The following CFAP61 variants were observed in gnomAD, a reference collection of about 807,000 sequenced individuals.
CFAP61 encodes cilia and flagella associated protein 61.
A neutral mutation model predicts 135.6 loss-of-function variants in CFAP61; 107 were observed. The observed-to-expected ratio is 0.79, with a 90% confidence interval of 0.67 to 0.93. The LOEUF is 0.93. Among genes scored for constraint, CFAP61 ranks in the 40% least tolerant of loss-of-function variants. CFAP61 has a pLI of 0.00. For synonymous variants in CFAP61, 575 were observed against 578.5 expected, an observed-to-expected ratio of 0.99 and a Z score of 0.09; for missense variants, 1,507 against 1,556.2, an observed-to-expected ratio of 0.97 and a Z score of 0.53.
intron 8 of CFAP61, among the ~76,000 whole-genome samples, chr20:20,104,312 A>T (rs1374473110): frequency 6.6e-6 from 1 of 151,096 alleles, no homozygotes; most frequent in African/African-American, 2.4e-5. Context: ...TTTCAATTTT[A>T]TGTCTTGTTT....
At chr20:20,347,932 C>CAAAAAAAAAA (rs139136148) in intron 26 of CFAP61, among the ~76,000 whole-genome samples, 1 of 75,222 alleles carries the variant, frequency 1.3e-5, no homozygotes, top group Non-Finnish European at 2.6e-5. Context: ...GACGCCATCT[C>CAAAAAAAAAA]AAAAAAAAAA....
At chr20:20,297,726 G>A (rs957738771) in intron 24 of CFAP61, among the ~76,000 whole-genome samples, 1 of 152,204 alleles carries the variant, frequency 6.6e-6, no homozygotes, top group African/African-American at 2.4e-5. Flanking sequence ...ATCAGGCCTG[G>A]CCTTTTACTT....
chr20:20,130,789 T>C (rs1206727692), intron 8 of CFAP61, among the ~76,000 whole-genome samples: 1 of 151,876 alleles, frequency 6.6e-6, no homozygotes, highest in Non-Finnish European at 1.5e-5. Context: ...AGTGTGGTGC[T>C]GCTGAACTGC....
intron 1 of CFAP61, chr20:20,052,890 G>A (rs1185820589): frequency 1.2e-5 from 8 of 643,274 alleles, no homozygotes; most frequent in African/African-American, 1.9e-5. Context: ...ACGCCCCCTC[G>A]TTTCTGGTTT....
intron 26 of CFAP61, among the ~76,000 whole-genome samples, chr20:20,349,155 C>A (rs1179251932): frequency 6.6e-6 from 1 of 152,208 alleles, no homozygotes; most frequent in Non-Finnish European, 1.5e-5. Flanking sequence ...AACCAACACA[C>A]AATAATCCAT....
At chr20:20,144,917 T>G (rs2146757803) in intron 9 of CFAP61, among the ~76,000 whole-genome samples, 1 of 152,280 alleles carries the variant, frequency 6.6e-6, no homozygotes, top group South Asian at 2.1e-4. Flanking sequence ...CCCTAGAATT[T>G]TATACCCAGT....
At chr20:20,340,413 G>GCA (rs2058395631) in intron 25 of CFAP61, among the ~76,000 whole-genome samples, 1 of 152,100 alleles carries the variant, frequency 6.6e-6, no homozygotes, top group Admixed American at 6.5e-5. Context: ...GGGCAGTGAC[G>GCA]CTCTTCTGCA....
chr20:20,111,735 T>G (rs1338309243), intron 8 of CFAP61, among the ~76,000 whole-genome samples: 4 of 152,130 alleles, frequency 2.6e-5, no homozygotes, highest in African/African-American at 9.7e-5. Flanking sequence ...AAAAGCATAA[T>G]GTACGAAATT....
At chr20:20,100,069 T>C (rs1400032794) in intron 8 of CFAP61, among the ~76,000 whole-genome samples, 1 of 152,076 alleles carries the variant, frequency 6.6e-6, no homozygotes, top group Non-Finnish European at 1.5e-5. Flanking sequence ...AACTCTACCA[T>C]AGGAGAGTTC....
At chr20:20,321,231 A>G (rs2082326097) in intron 25 of CFAP61, among the ~76,000 whole-genome samples, 1 of 152,286 alleles carries the variant, frequency 6.6e-6, no homozygotes, top group Admixed American at 6.5e-5. Flanking sequence ...AGGTGTCAAT[A>G]GTTATGCCTA....
chr20:20,339,958 C>T (rs1322653239), intron 25 of CFAP61, among the ~76,000 whole-genome samples: 1 of 152,216 alleles, frequency 6.6e-6, no homozygotes, highest in East Asian at 1.9e-4. Context: ...TTTTAGGAAG[C>T]CCACAAGATC....
At chr20:20,113,365 G>GTTA (rs1357635070) in intron 8 of CFAP61, among the ~76,000 whole-genome samples, 1 of 152,136 alleles carries the variant, frequency 6.6e-6, no homozygotes, top group Non-Finnish European at 1.5e-5. Flanking sequence ...TGACAATGAG[G>GTTA]TTATACTTGT....
At chr20:20,253,660 C>G (rs1168665013) in intron 20 of CFAP61, 1 of 443,684 alleles carries the variant, frequency 2.3e-6, no homozygotes, top group African/African-American at 2.0e-5. Flanking sequence ...CCAACTCCAC[C>G]TTTGTAACGT....
chr20:20,171,246 T>C (rs2054198998), intron 13 of CFAP61, among the ~76,000 whole-genome samples: 1 of 152,214 alleles, frequency 6.6e-6, no homozygotes, highest in African/African-American at 2.4e-5. Context: ...CACAACTGCC[T>C]TGAGCCAGTT....
In CFAP61 at chr20:20,159,440, C is replaced by T. The variant is rs201733475; in HGVS notation, c.1022C>T (p.Pro341Leu). Residue 341 changes from proline (P) to leucine (L), a missense_variant, in exon 10 of 27, where the codon CCG becomes CTG. Transcript: ENST00000245957. ...TAVQSGNVSE[P>L]EDIEKLSDIS... Reference sequence around the variant, plus strand: ...GTCCAAAGTGGAAATGTTAGTGAACCGGAGGTAGGGTTTGACGAGGGCCTT... The same window carrying T: ...GTCCAAAGTGGAAATGTTAGTGAACTGGAGGTAGGGTTTGACGAGGGCCTT... 5.1e-4 allele frequency: 831 copies of T among 1,613,610 alleles called. 17 individuals carry two copies. In the South Asian group the frequency reaches 8.5e-3, roughly 16 times the overall value.
At chr20:20,274,865 A>G (rs1323974327) in intron 21 of CFAP61, among the ~76,000 whole-genome samples, 1 of 152,220 alleles carries the variant, frequency 6.6e-6, no homozygotes, top group Non-Finnish European at 1.5e-5. Flanking sequence ...TGAAAGAACT[A>G]TAACTAGTCT....
At chr20:20,080,245 C>CTA (rs982320882) in intron 6 of CFAP61, among the ~76,000 whole-genome samples, 2 of 151,962 alleles carry the variant, frequency 1.3e-5, no homozygotes, top group South Asian at 2.1e-4. Context: ...ACATATATAC[C>CTA]TATATATATC....
chr20:20,349,184 T>C (rs1343158711), intron 26 of CFAP61, among the ~76,000 whole-genome samples: 1 of 152,214 alleles, frequency 6.6e-6, no homozygotes, highest in Non-Finnish European at 1.5e-5. Context: ...TTATCAGTTG[T>C]ATTAATCTGT....
intron 19 of CFAP61, among the ~76,000 whole-genome samples, chr20:20,247,075 G>C (rs905056547): frequency 6.6e-6 from 1 of 152,196 alleles, no homozygotes; most frequent in Admixed American, 6.5e-5. Context: ...CTGCCACGAA[G>C]GGCCTGGGCA....
Sources: gnomAD v4.1 joint callset for allele counts (sites outside exome capture counted in the v4.1 genomes callset) on GRCh38, gnomAD v4.1.1 for gene constraint, MANE v1.5 for transcripts, NCBI Gene and HGNC (gene_info 2026-07-23, HGNC 2026-07-21) for gene names.